SAP30BP: variants seen among roughly 807,000 people sequenced by gnomAD.
The protein encoded by SAP30BP is SAP30-binding protein.
A neutral mutation model predicts 46.3 loss-of-function variants in SAP30BP; 31 were observed. The ratio of observed to expected loss-of-function variants is 0.67; its 90% CI spans 0.50 to 0.90. SAP30BP has a LOEUF of 0.90. Among genes scored for constraint, SAP30BP ranks in the 40% least tolerant of loss-of-function variants. The pLI is 0.00. For synonymous variants in SAP30BP, 169 were observed against 144.2 expected (o/e 1.17, Z -1.23); for missense variants, 312 against 391.0 (o/e 0.80, Z 1.70).
At chr17:75,700,849 T>C (rs1359149226) in intron 5 of SAP30BP, among the ~76,000 whole-genome samples, 2 of 152,224 alleles carry the variant, frequency 1.3e-5, no homozygotes, top group African/African-American at 4.8e-5. Flanking sequence ...GTGCCAATTG[T>C]GCCTCCTCTT....
intron 3 of SAP30BP, among the ~76,000 whole-genome samples, chr17:75,687,917 G>GGGGGT (rs557349211): frequency 8.3e-6 from 1 of 120,260 alleles, no homozygotes; most frequent in South Asian, 2.8e-4. Flanking sequence ...CAGTGTTTGG[G>GGGGGT]GTGTGTGTGT....
At chr17:75,672,395 G>A (rs368636987) in intron 3 of SAP30BP, among the ~76,000 whole-genome samples, 30 of 152,088 alleles carry the variant, frequency 2.0e-4, no homozygotes, top group East Asian at 7.7e-4. Flanking sequence ...GGTCTTTTTC[G>A]GAACAACATA....
At chr17:75,670,815 G>T (rs773356494) in intron 2 of SAP30BP, among the ~76,000 whole-genome samples, 1 of 152,162 alleles carries the variant, frequency 6.6e-6, no homozygotes, top group Non-Finnish European at 1.5e-5. Flanking sequence ...CAAGTCTCTC[G>T]AGTGGTATTT....
intron 6 of SAP30BP, 41 bp downstream of exon 6, chr17:75,702,612 A>G (rs371272071): frequency 8.0e-6 from 8 of 995,408 alleles, no homozygotes; most frequent in South Asian, 2.7e-5. Context: ...TGAGTTATTA[A>G]TGTTGGACTA....
chr17:75,693,463 A>G lies in SAP30BP; in HGVS notation c.288A>G (p.Arg96=). 1.2e-6 allele frequency: 2 copies of G among 1,614,084 alleles called. 1 individual carries two copies. ...AGGATAATACAGAAGCAGAAAAGCG[A>G]GACCCCCAGGAACTCGTGGGTGAGT... ...DPKDNTEAEK[R]DPQELVASFS... Residue 96 remains arginine, a synonymous_variant, in exon 4 of 11, where the codon CGA becomes CGG. Transcript: ENST00000584667.
chr17:75,699,973 T>G (rs2060382744), intron 5 of SAP30BP, 102 bp downstream of exon 5: 1 of 807,246 alleles, frequency 1.2e-6, no homozygotes. Context: ...GGAAAGGGAC[T>G]GAGGCTTCTA....
At chr17:75,696,546 T>C (rs554979341) in intron 4 of SAP30BP, among the ~76,000 whole-genome samples, 124 of 144,706 alleles carry the variant, frequency 8.6e-4, no homozygotes, top group African/African-American at 3.1e-3. Flanking sequence ...TCCATCTCAA[T>C]TAAAAAAAAA....
chr17:75,694,484 TCA>T (rs1599149714), intron 4 of SAP30BP, among the ~76,000 whole-genome samples: 1 of 152,244 alleles, frequency 6.6e-6, no homozygotes, highest in East Asian at 1.9e-4. Context: ...TGATGGAGTT[TCA>T]GTCTTTCAAA....
intron 6 of SAP30BP, 160 bp from the exon 7 acceptor site, chr17:75,703,151 C>G: frequency 1.6e-6 from 1 of 644,068 alleles, no homozygotes; most frequent in Non-Finnish European, 2.8e-6. Context: ...ACAGGTCCAT[C>G]TCCCTGGGAG....
chr17:75,699,765 T>C lies in SAP30BP; in HGVS notation c.308-18T>C. ...TTCTAATCCCCACCTACAGAATTTT[T>C]CCTTCTTCTCTCAACAGCCTCCTTT... On this transcript the variant is annotated intron_variant, in intron 4 of 10. Coordinates refer to ENST00000584667, the MANE Select transcript of SAP30BP (RefSeq NM_013260.8). 6.3e-7 allele frequency: 1 copy of C among 1,597,834 alleles called. No homozygotes were observed. The highest frequency in any genetic ancestry group is 8.6e-7 in the Non-Finnish European group (1 of 1,165,954).
At chr17:75,682,620 A>G (rs2060094634) in intron 3 of SAP30BP, among the ~76,000 whole-genome samples, 1 of 152,228 alleles carries the variant, frequency 6.6e-6, no homozygotes, top group African/African-American at 2.4e-5. Flanking sequence ...GTATAATTAT[A>G]ATAGCAATAT....
At chr17:75,687,667 T>C (rs1011854291) in intron 3 of SAP30BP, among the ~76,000 whole-genome samples, 2 of 150,470 alleles carry the variant, frequency 1.3e-5, no homozygotes, top group African/African-American at 4.9e-5. Flanking sequence ...AAGAATTGGG[T>C]TTGAAATTTT....
chr17:75,693,564 C>T, intron 4 of SAP30BP, 82 bp downstream of exon 4: 1 of 1,314,208 alleles, frequency 7.6e-7, no homozygotes, highest in Admixed American at 1.9e-5. Context: ...GGCCTGCCGC[C>T]CCACAGGGCT....
intron 6 of SAP30BP, chr17:75,702,827 T>A (rs2060433925): frequency 2.8e-6 from 1 of 353,058 alleles, no homozygotes; most frequent in African/African-American, 2.1e-5. Flanking sequence ...TGAGTTCTCG[T>A]CCCTGCTCTG....
In SAP30BP at chr17:75,706,410, C is replaced by G; in HGVS notation, c.816C>G (p.Leu272=). ...PVTTIAQPTI[L]TTTATLPAVV... is the part of the protein sequence containing the mutation. ...CAACGATAGCCCAGCCCACCATCCT[C>G]ACCACCACAGCCACCCTGCCAGCTG... The change falls in exon 11 of 11, where the codon CTC becomes CTG. Residue 272 remains leucine (L), a synonymous_variant. Coordinates refer to ENST00000584667, the MANE Select transcript of SAP30BP (RefSeq NM_013260.8). The surrounding 1 kb of genome is among the most constrained non-coding windows in gnomAD (Gnocchi z 4.6). 6.2e-7 allele frequency: 1 copy of G among 1,614,186 alleles called. No homozygotes were observed. Among genetic ancestry groups the G allele is most frequent in the East Asian group, 2.2e-5 (1 of 44,878 alleles).
At chr17:75,674,456 A>G (rs1449111930) in intron 3 of SAP30BP, among the ~76,000 whole-genome samples, 1 of 151,356 alleles carries the variant, frequency 6.6e-6, no homozygotes, top group Admixed American at 6.6e-5. Flanking sequence ...CACCATGCCC[A>G]GCTAATTTTT....
intron 3 of SAP30BP, among the ~76,000 whole-genome samples, chr17:75,685,262 T>C (rs539848591): frequency 1.3e-5 from 2 of 152,332 alleles, no homozygotes; most frequent in African/African-American, 4.8e-5. Context: ...AATTATATGA[T>C]ACAGAGGACT....
At chr17:75,668,923 A>C (rs139364066) in intron 2 of SAP30BP, among the ~76,000 whole-genome samples, 358 of 152,122 alleles carry the variant, frequency 2.4e-3, no homozygotes, top group African/African-American at 8.3e-3. Flanking sequence ...TAAATGATTT[A>C]CTCCATTTAT....
intron 3 of SAP30BP, among the ~76,000 whole-genome samples, chr17:75,690,192 A>G (rs1037239560): frequency 6.6e-6 from 1 of 152,146 alleles, no homozygotes; most frequent in Non-Finnish European, 1.5e-5. Context: ...GGCTTCCATG[A>G]TAACTGTCAT....
Sources: gnomAD v4.1 joint callset for allele counts (sites outside exome capture counted in the v4.1 genomes callset) on GRCh38, gnomAD v4.1.1 for gene constraint, Gnocchi (gnomAD v3.1) non-coding constraint, MANE v1.5 for transcripts, NCBI Gene and HGNC (gene_info 2026-07-23, HGNC 2026-07-21) for gene names.